MINDY3: variants seen among roughly 807,000 people sequenced by gnomAD.
The protein encoded by MINDY3 is MINDY lysine 48 deubiquitinase 3, also known as ubiquitin carboxyl-terminal hydrolase MINDY-3.
MINDY3 carries 38 observed loss-of-function variants against 69.2 expected under a neutral mutation model. The ratio of observed to expected loss-of-function variants is 0.55; its 90% CI spans 0.42 to 0.72. MINDY3 has a LOEUF of 0.72. Among genes scored for constraint, MINDY3 ranks in the 30% least tolerant of loss-of-function variants. MINDY3 has a pLI of 0.00. For missense variants in MINDY3, 522 were observed against 519.0 expected, an observed-to-expected ratio of 1.01 and a Z score of -0.06; for synonymous variants, 192 against 180.1, an observed-to-expected ratio of 1.07 and a Z score of -0.53.
intron 8 of MINDY3, among the ~76,000 whole-genome samples, chr10:15,830,476 A>G (rs766107168): frequency 2.0e-5 from 3 of 152,242 alleles, no homozygotes; most frequent in Non-Finnish European, 4.4e-5. Context: ...CAGTAGTCTA[A>G]TTCCACACAG....
At chr10:15,847,064 T>C (rs1029046687) in intron 2 of MINDY3, among the ~76,000 whole-genome samples, 2 of 152,170 alleles carry the variant, frequency 1.3e-5, no homozygotes, top group Admixed American at 1.3e-4. Context: ...AATGCCACAT[T>C]AAATATATAT....
chr10:15,835,123 T>G (rs116482840), intron 6 of MINDY3, among the ~76,000 whole-genome samples: 2,630 of 152,184 alleles, frequency 0.017, 60 homozygotes, highest in African/African-American at 0.057. Context: ...TCACAAATGT[T>G]GGTCATTCAA....
chr10:15,828,791 C>T (rs1840263927), intron 8 of MINDY3, among the ~76,000 whole-genome samples: 2 of 152,184 alleles, frequency 1.3e-5, no homozygotes, highest in Admixed American at 6.5e-5. Flanking sequence ...CGTTTACTAA[C>T]ATGAGACATA....
chr10:15,831,521 C>G (rs1488957035), intron 8 of MINDY3, among the ~76,000 whole-genome samples: 1 of 152,116 alleles, frequency 6.6e-6, no homozygotes, highest in African/African-American at 2.4e-5. Context: ...GAAAAAAGGT[C>G]CACAGCAAGA....
At chr10:15,838,709 G>A (rs1833256404) in intron 4 of MINDY3, among the ~76,000 whole-genome samples, 2 of 151,582 alleles carry the variant, frequency 1.3e-5, no homozygotes, top group Admixed American at 1.3e-4. Context: ...AAACAAACAT[G>A]TATAAAAAGG....
chr10:15,845,717 G>T (rs934186951), intron 2 of MINDY3, among the ~76,000 whole-genome samples: 1 of 150,112 alleles, frequency 6.7e-6, no homozygotes, highest in Non-Finnish European at 1.5e-5. Context: ...CTGTTGCCCA[G>T]CCTGGTTTTG....
At chr10:15,843,754 A>G (rs1370599362) in intron 2 of MINDY3, among the ~76,000 whole-genome samples, 1 of 152,138 alleles carries the variant, frequency 6.6e-6, no homozygotes, top group African/African-American at 2.4e-5. Context: ...GTTTAACTCA[A>G]AAAGGTACAA....
intron 14 of MINDY3, 117 bp from the exon 15 acceptor site, chr10:15,779,258 T>C (rs1488140822): frequency 5.3e-6 from 4 of 756,480 alleles, no homozygotes; most frequent in Non-Finnish European, 7.8e-6. Context: ...CAGATGAAAC[T>C]TGACATGTAA....
chr10:15,834,538 A>AT lies in MINDY3; in HGVS notation c.650+4dup, dbSNP rs748452991. The AT allele has an allele frequency of 6.2e-7, 1 of 1,602,950 alleles. No homozygotes were observed. The highest frequency in any genetic ancestry group is 8.5e-7 in the Non-Finnish European group (1 of 1,173,814). ...ATGAGGAGACAAGAGATTTTAGTTA[A>AT]TTACCTGCCATGTCCATATACAGGA... On this transcript the variant is annotated splice_donor_region_variant and intron_variant, in intron 7 of 14. Transcript: ENST00000277632.
At chr10:15,796,408 T>TTTA (rs1396247568) in intron 10 of MINDY3, among the ~76,000 whole-genome samples, 2 of 151,750 alleles carry the variant, frequency 1.3e-5, no homozygotes, top group African/African-American at 4.8e-5. Flanking sequence ...CATGTGGAGT[T>TTTA]TTACATAAAT....
At chr10:15,841,372 T>A in intron 4 of MINDY3, 54 bp downstream of exon 4, 1 of 1,368,576 alleles carries the variant, frequency 7.3e-7, no homozygotes. Context: ...TTCAATAGAT[T>A]CATTAAAACA....
rs144423379 is a variant in MINDY3, at chr10:15,788,364, A to G, written c.1028+883T>C. Among the ~76,000 whole-genome samples, 267 of 152,282 alleles carry G rather than the reference A, an allele frequency of 1.8e-3. 8 individuals are homozygous for G. The East Asian group carries it at 0.048, about 28-fold the overall frequency. On this transcript the variant is annotated intron_variant, in intron 12 of 14. Coordinates refer to ENST00000277632, the MANE Select transcript of MINDY3 (RefSeq NM_024948.4). ...GTAAGCTTGAGACACATTAATTCAG[A>G]TGTGGCTAGTTTATGTGTATTGCAT... is the stretch of plus-strand genomic sequence containing the variant.
At chr10:15,814,386 T>C (rs2131968283) in intron 10 of MINDY3, among the ~76,000 whole-genome samples, 1 of 152,078 alleles carries the variant, frequency 6.6e-6, no homozygotes, top group Middle Eastern at 3.4e-3. Flanking sequence ...AAAATATTCT[T>C]AGGGGATATA....
chr10:15,797,347 T>C (rs890473769), intron 10 of MINDY3, among the ~76,000 whole-genome samples: 1 of 152,146 alleles, frequency 6.6e-6, no homozygotes, highest in African/African-American at 2.4e-5. Flanking sequence ...TTTGTAAAAT[T>C]TTGTAATGCA....
rs564172693 is a variant in MINDY3, at chr10:15,820,720, G to A, written c.801+936C>T. Among the ~76,000 whole-genome samples the A allele has an allele frequency of 1.1e-4, 16 of 152,222 alleles. No individual in the cohort carries two copies. In the South Asian group the frequency reaches 2.5e-3, roughly 24 times the overall value. ...TTCAAGTGAAACATGAAAAAGGAACGCTGTCTGACGAAAAAGAGGATCAAC... is the reference window on the plus strand; with the variant it reads ...TTCAAGTGAAACATGAAAAAGGAACACTGTCTGACGAAAAAGAGGATCAAC... On this transcript the variant is annotated intron_variant, in intron 9 of 14. Coordinates refer to ENST00000277632, the MANE Select transcript of MINDY3 (RefSeq NM_024948.4).
chr10:15,834,235 T>C (rs1031639110), intron 7 of MINDY3, among the ~76,000 whole-genome samples: 2 of 151,994 alleles, frequency 1.3e-5, no homozygotes, highest in East Asian at 1.9e-4. Flanking sequence ...TACAAAGATA[T>C]ACTTATTTCT....
intron 8 of MINDY3, among the ~76,000 whole-genome samples, chr10:15,822,241 G>A (rs999114358): frequency 6.6e-6 from 1 of 152,044 alleles, no homozygotes; most frequent in African/African-American, 2.4e-5. Flanking sequence ...CTTCAGACTG[G>A]GGAAATAAAG....
Position 15,808,402 on chromosome 10 carries a change from C to A in MINDY3, c.882+8433G>T, listed in dbSNP as rs548251856. ...AAACGTATAAAGCACCACTTTACAG[C>A]TTTTCCTTAACACCGTTTTATTACA... On this transcript the variant is annotated intron_variant, in intron 10 of 14. Transcript: ENST00000277632. 2.6e-5 allele frequency among the ~76,000 whole-genome samples: 4 copies of A among 152,270 alleles called. No homozygotes were observed. The South Asian group carries it at 8.3e-4, about 32-fold the overall frequency.
Position 15,801,286 on chromosome 10 carries a change from G to T in MINDY3, c.883-5114C>A, listed in dbSNP as rs549011700. 1.3e-4 allele frequency among the ~76,000 whole-genome samples: 20 copies of T among 152,208 alleles called. No individual in the cohort carries two copies. In the East Asian group the frequency reaches 2.9e-3, roughly 22 times the overall value. On this transcript the variant is annotated intron_variant, in intron 10 of 14. Transcript: ENST00000277632. ...ACTGTTTTATGCACATGCAGTCAGG[G>T]TGATGACCAGGACTGCCCTTATTTA...
Sources: gnomAD v4.1 joint callset for allele counts (sites outside exome capture counted in the v4.1 genomes callset) on GRCh38, gnomAD v4.1.1 for gene constraint, MANE v1.5 for transcripts, NCBI Gene and HGNC (gene_info 2026-07-23, HGNC 2026-07-21) for gene names.